The following MACROD2 variants were observed in gnomAD, a reference collection of about 807,000 sequenced individuals.
MACROD2 encodes ADP-ribose glycohydrolase MACROD2.
Under a neutral mutation model 70.4 loss-of-function variants are expected in MACROD2, and 36 were observed. The ratio of observed to expected loss-of-function variants is 0.51; its 90% confidence interval spans 0.39 to 0.68. The LOEUF (loss-of-function observed/expected upper bound fraction) is 0.68. MACROD2 is among the 30% of genes least tolerant of loss of function. The probability of loss-of-function intolerance (pLI) is 0.00; values close to 1 mark genes in which losing one functional copy is unlikely to be tolerated. For synonymous variants in MACROD2, 172 were observed against 178.8 expected, an observed-to-expected ratio of 0.96 and a Z score of 0.30; for missense variants, 496 against 538.4, an observed-to-expected ratio of 0.92 and a Z score of 0.78.
Position 16,044,570 on chromosome 20 carries a change from G to A in MACROD2, c.1232-1G>A, listed in dbSNP as rs1568732837. On this transcript the variant is annotated splice_acceptor_variant, in intron 16 of 17. Coordinates refer to ENST00000684519, the MANE Select transcript of MACROD2 (RefSeq NM_001351661.2). LOFTEE classifies it high-confidence loss of function. Reference sequence around the variant, plus strand: ...AACTTTTTTTTTTTTTCTGGTGACAGTTGAAATGAATAGTCAGGTTGACAA... The same window carrying A: ...AACTTTTTTTTTTTTTCTGGTGACAATTGAAATGAATAGTCAGGTTGACAA... The A allele has an allele frequency of 1.9e-6, 3 of 1,607,702 alleles. No individual in the cohort carries two copies. The highest frequency in any genetic ancestry group is 1.7e-5 in the Admixed American group (1 of 59,304).
chr20:15,094,889 A>G (rs544208176), intron 5 of MACROD2, among the ~76,000 whole-genome samples: 12 of 152,126 alleles, frequency 7.9e-5, no homozygotes, highest in African/African-American at 2.2e-4. Flanking sequence ...CTATAACAGG[A>G]AAGATTATAG....
At chr20:15,718,938 C>T (rs568715602) in intron 8 of MACROD2, among the ~76,000 whole-genome samples, 18 of 152,256 alleles carry the variant, frequency 1.2e-4, no homozygotes, top group South Asian at 4.1e-4. Context: ...TTTCAAAAGG[C>T]ACTCTGCACA....
chr20:15,146,514 G>T (rs2076231255), intron 5 of MACROD2, among the ~76,000 whole-genome samples: 1 of 152,106 alleles, frequency 6.6e-6, no homozygotes, highest in African/African-American at 2.4e-5. Context: ...TAGAAATTCA[G>T]AATTCACCCA....
At chr20:15,026,287 T>C (rs1161407927) in intron 5 of MACROD2, among the ~76,000 whole-genome samples, 1 of 152,140 alleles carries the variant, frequency 6.6e-6, no homozygotes, top group African/African-American at 2.4e-5. Flanking sequence ...CTAATACCCA[T>C]TCAAACCCTT....
intron 5 of MACROD2, among the ~76,000 whole-genome samples, chr20:15,176,368 C>A (rs1013229407): frequency 1.2e-4 from 19 of 152,172 alleles, no homozygotes; most frequent in Admixed American, 1.3e-4. Context: ...CTGATGAAGT[C>A]TGCAGCCCAG....
rs2067476205 is a variant in MACROD2 at position 16,052,879 on chromosome 20, TG to T, written c.*3004del. On this transcript the variant is annotated 3_prime_UTR_variant, in exon 18 of 18. Transcript: ENST00000684519. ...TTTATTACATGATTCATTAAGGATTTGCCTTACCCTGACATTTGTGATATAA... is the reference window on the plus strand; with the variant it reads ...TTTATTACATGATTCATTAAGGATTTCCTTACCCTGACATTTGTGATATAA... 6.6e-6 allele frequency: 1 copy of T among 152,654 alleles called. No individual in the cohort carries two copies. The highest frequency in any genetic ancestry group is 1.5e-5 in the Non-Finnish European group (1 of 68,038). 9.5% of individuals were successfully genotyped at this position (152,654 alleles called of 1,614,324 possible). A position where few individuals can be genotyped will look rare whatever the true frequency, so the allele number is the denominator to read the frequency against.
At chr20:14,118,521 T>C (rs2054541830) in intron 3 of MACROD2, among the ~76,000 whole-genome samples, 1 of 152,218 alleles carries the variant, frequency 6.6e-6, no homozygotes, top group South Asian at 2.1e-4. Context: ...TTTTTGATGA[T>C]TGAATGGAAC....
At chr20:15,351,556 C>T (rs2078226957) in intron 6 of MACROD2, among the ~76,000 whole-genome samples, 1 of 152,166 alleles carries the variant, frequency 6.6e-6, no homozygotes, top group Non-Finnish European at 1.5e-5. Context: ...CCTCCCTATG[C>T]ATCACTTCAA....
At chr20:15,617,940 A>C (rs1032863236) in intron 8 of MACROD2, among the ~76,000 whole-genome samples, 13 of 152,144 alleles carry the variant, frequency 8.5e-5, no homozygotes, top group African/African-American at 2.9e-4. Context: ...CATGGAAAAC[A>C]AGCATGGAAC....
chr20:14,451,132 A>T (rs1324270705), intron 3 of MACROD2, among the ~76,000 whole-genome samples: 1 of 152,008 alleles, frequency 6.6e-6, no homozygotes, highest in Non-Finnish European at 1.5e-5. Flanking sequence ...CAGAGGAGGA[A>T]GGGAGGACCA....
intron 3 of MACROD2, among the ~76,000 whole-genome samples, chr20:14,435,646 G>A (rs1002882013): frequency 9.9e-5 from 15 of 151,976 alleles, no homozygotes; most frequent in African/African-American, 3.6e-4. Context: ...TCTAGTTGAG[G>A]GAAAAATAGA....
At chr20:15,757,618 CT>C (rs1163848153) in intron 8 of MACROD2, among the ~76,000 whole-genome samples, 1 of 152,150 alleles carries the variant, frequency 6.6e-6, no homozygotes, top group Admixed American at 6.6e-5. Context: ...ATACAATAGA[CT>C]GGGTGATCTA....
chr20:15,845,766 C>A (rs1235859982), intron 8 of MACROD2, among the ~76,000 whole-genome samples: 6 of 152,168 alleles, frequency 3.9e-5, no homozygotes, highest in Non-Finnish European at 4.4e-5. Flanking sequence ...TCACACACAT[C>A]ATTTCTTTGA....
rs1483596202 is a variant in MACROD2, at chr20:15,230,037, G to T, written c.516G>T (p.Val172=). Residue 172 remains valine, a synonymous_variant, in exon 6 of 18, where the codon GTG becomes GTT. Coordinates refer to ENST00000684519, the MANE Select transcript of MACROD2 (RefSeq NM_001351661.2). ...ANCYKSSLKL[V]KENNIRSVAF... is the part of the protein sequence containing the mutation. ...GCTATAAATCATCTCTGAAGCTCGTGAAAGAAAATAACATCCGATCAGTTG... is the reference window on the plus strand; with the variant it reads ...GCTATAAATCATCTCTGAAGCTCGTTAAAGAAAATAACATCCGATCAGTTG... 1 of 1,613,410 alleles carries T rather than the reference G, an allele frequency of 6.2e-7. No homozygotes were observed. The highest frequency in any genetic ancestry group is 1.7e-5 in the Admixed American group (1 of 59,982).
At chr20:14,757,440 A>T in intron 5 of MACROD2, 1 of 427,940 alleles carries the variant, frequency 2.3e-6, no homozygotes, top group Non-Finnish European at 4.2e-6. Flanking sequence ...CAAAAGATTA[A>T]AAAGTACAAC....
At chr20:15,728,166 T>C (rs539511937) in intron 8 of MACROD2, among the ~76,000 whole-genome samples, 1 of 152,258 alleles carries the variant, frequency 6.6e-6, no homozygotes, top group Non-Finnish European at 1.5e-5. Flanking sequence ...AACCATGTGG[T>C]TTTTGTTTTT....
intron 7 of MACROD2, among the ~76,000 whole-genome samples, chr20:15,497,173 A>G (rs565746564): frequency 4.3e-4 from 65 of 152,306 alleles, no homozygotes; most frequent in Admixed American, 1.3e-4. Context: ...CTGGTGCTGA[A>G]GTGTATTAAA....
intron 6 of MACROD2, among the ~76,000 whole-genome samples, chr20:15,295,856 T>C (rs373026897): frequency 6.6e-6 from 1 of 152,112 alleles, no homozygotes; most frequent in African/African-American, 2.4e-5. Context: ...CCTGTACAGA[T>C]AGCTCATAAT....
At chr20:15,388,816 G>T (rs1166787194) in intron 6 of MACROD2, among the ~76,000 whole-genome samples, 2 of 152,182 alleles carry the variant, frequency 1.3e-5, no homozygotes, top group Non-Finnish European at 2.9e-5. Flanking sequence ...GTTGTGTAAA[G>T]TGAGAGAGAA....
Sources: gnomAD v4.1 joint callset for allele counts (sites outside exome capture counted in the v4.1 genomes callset) on GRCh38, gnomAD v4.1.1 for gene constraint, MANE v1.5 for transcripts, NCBI Gene and HGNC (gene_info 2026-07-23, HGNC 2026-07-21) for gene names.